SLC25A46: variants seen among roughly 807,000 people sequenced by gnomAD.
SLC25A46 encodes the protein mitochondrial outer membrane protein SLC25A46.
A neutral mutation model predicts 44.6 loss-of-function variants in SLC25A46; 39 were observed. That is an observed-to-expected ratio of 0.87 (90% CI 0.68 to 1.14). The LOEUF is 1.14. Ranked by LOEUF, SLC25A46 falls within the 50% of genes most tolerant of loss-of-function variation. SLC25A46 has a pLI of 0.00. For missense variants in SLC25A46, 547 were observed against 522.7 expected (o/e 1.05, Z -0.45); for synonymous variants, 202 against 185.8 (o/e 1.09, Z -0.71).
Position 110,761,177 on chromosome 5 carries a change from T to G in SLC25A46, c.679-27T>G. 6.5e-7 allele frequency: 1 copy of G among 1,541,026 alleles called. No individual in the cohort carries two copies. The highest frequency in any genetic ancestry group is 8.8e-7 in the Non-Finnish European group (1 of 1,136,744). ...TGGCAAAATAAGCAAATGTTAAGTT[T>G]TACTTATTTCATCATTTTTATTTCA... On this transcript the variant is annotated intron_variant, in intron 7 of 7. Transcript: ENST00000355943. The surrounding 1 kb of genome is among the most constrained non-coding windows in gnomAD (Gnocchi z 5.3).
At chr5:110,752,893 A>G (rs917077143) in intron 5 of SLC25A46, among the ~76,000 whole-genome samples, 2 of 152,060 alleles carry the variant, frequency 1.3e-5, no homozygotes, top group Non-Finnish European at 2.9e-5. Context: ...AGGATACACT[A>G]TGGTAGAAGA....
In SLC25A46 at chr5:110,763,969, G is replaced by A. The variant is rs145403059; in HGVS notation, c.*2187G>A. The A allele has an allele frequency of 2.6e-3, 396 of 151,908 alleles. 2 individuals carry two copies. The highest frequency in any genetic ancestry group is 9.1e-3 in the African/African-American group (379 of 41,510). 9.4% of individuals were successfully genotyped at this position (151,908 alleles called of 1,614,324 possible). On this transcript the variant is annotated 3_prime_UTR_variant, in exon 8 of 8. Transcript: ENST00000355943. ...ACTGAATTTTGAAAAGAATGAGTGA[G>A]ATAACTGTAAGATACGCTCGTTCCC...
At position 110,762,814 on chromosome 5, in the gene SLC25A46, CA is replaced by C. The variant is rs771648077; in HGVS notation, c.*1033del. On this transcript the variant is annotated 3_prime_UTR_variant, in exon 8 of 8. Coordinates refer to ENST00000355943, the MANE Select transcript of SLC25A46 (RefSeq NM_138773.4). ...TGCCTCTTGTCTAGTATATAGTCACCACTAAATAATGGCTTCCGTTTTTATT... is the reference window on the plus strand; with the variant it reads ...TGCCTCTTGTCTAGTATATAGTCACCCTAAATAATGGCTTCCGTTTTTATT... The C allele has an allele frequency of 1.3e-5, 2 of 151,796 alleles. No individual in the cohort carries two copies. The highest frequency in any genetic ancestry group is 2.9e-5 in the Non-Finnish European group (2 of 67,886). 9.4% of individuals were successfully genotyped at this position (151,796 alleles called of 1,614,324 possible).
chr5:110,753,989 T>C (rs1337199011), intron 5 of SLC25A46: 3 of 151,624 alleles, frequency 2.0e-5, no homozygotes, highest in Non-Finnish European at 4.4e-5. Flanking sequence ...CCTAATCTAT[T>C]TTTTATATTT....
chr5:110,747,065 T>G (rs1437833649), intron 4 of SLC25A46, among the ~76,000 whole-genome samples: 2 of 152,236 alleles, frequency 1.3e-5, no homozygotes, highest in Non-Finnish European at 2.9e-5. Flanking sequence ...ACCTTTGGAT[T>G]GTTTGGCAAT....
chr5:110,763,123 A>G lies in SLC25A46; in HGVS notation c.*1341A>G, dbSNP rs1021921100. The G allele has an allele frequency of 6.6e-5, 10 of 151,942 alleles. No individual in the cohort carries two copies. In the South Asian group the frequency reaches 1.9e-3, roughly 28 times the overall value. The allele number at this position is 151,942 out of a possible 1,614,324, so 9.4% of individuals were successfully genotyped here. On this transcript the variant is annotated 3_prime_UTR_variant, in exon 8 of 8. Transcript: ENST00000355943. ...GTTAAGCACTTTGTGTAGTAAAATG[A>G]TATGTGTCTGCTCTATCATTAGACA...
Position 110,763,566 on chromosome 5 carries a change from G to C in SLC25A46, c.*1784G>C, listed in dbSNP as rs1381991891. 6.6e-6 allele frequency: 1 copy of C among 151,794 alleles called. No homozygotes were observed. Among genetic ancestry groups the C allele is most frequent in the Non-Finnish European group, 1.5e-5 (1 of 67,828 alleles). The allele number at this position is 151,794 out of a possible 1,614,324, so 9.4% of individuals were successfully genotyped here. A position where few individuals can be genotyped will look rare whatever the true frequency, so the allele number is the denominator to read the frequency against. On this transcript the variant is annotated 3_prime_UTR_variant, in exon 8 of 8. Transcript: ENST00000355943. The stretch of plus-strand genomic sequence containing the variant: ...TTTCAATTAGGATAGTTTCAGATAA[G>C]AGTAAACCAGAAAATTTCAAGTTTG...
At chr5:110,746,858 G>A (rs1459423462) in intron 4 of SLC25A46, among the ~76,000 whole-genome samples, 1 of 152,148 alleles carries the variant, frequency 6.6e-6, no homozygotes, top group Non-Finnish European at 1.5e-5. Flanking sequence ...AGATCATAAT[G>A]TTTGGGAATG....
Position 110,755,502 on chromosome 5 carries a change from G to C in SLC25A46, c.601G>C (p.Glu201Gln), listed in dbSNP as rs1390370205. 1.9e-6 allele frequency: 3 copies of C among 1,572,256 alleles called. No individual in the cohort carries two copies. Among genetic ancestry groups the C allele is most frequent in the Non-Finnish European group, 2.6e-6 (3 of 1,161,048 alleles). Residue 201 changes from glutamate to glutamine, a missense_variant, in exon 6 of 8, where the codon GAA becomes CAA. By Grantham distance (29) the Glu-to-Gln change is conservative (BLOSUM62 2). Coordinates refer to ENST00000355943, the MANE Select transcript of SLC25A46 (RefSeq NM_138773.4). ...TAAATGGAGTCCTAAACAAATAGGA[G>C]AACACCTTCTACTGAAATCGTAAGT... The part of the protein sequence containing the change: ...LHKWSPKQIG[E>Q]HLLLKSLTYV...
intron 4 of SLC25A46, among the ~76,000 whole-genome samples, chr5:110,746,933 A>G (rs1799835574): frequency 6.6e-6 from 1 of 152,218 alleles, no homozygotes; most frequent in Non-Finnish European, 1.5e-5. Context: ...ATGAAAAAGT[A>G]GCCAGAGAAG....
chr5:110,748,122 G>A (rs2150411173), intron 4 of SLC25A46, 41 bp from the exon 5 acceptor site: 1 of 1,353,310 alleles, frequency 7.4e-7, no homozygotes, highest in South Asian at 1.2e-5. Context: ...TGTTTCAGAT[G>A]TAGGTATTAA....
intron 3 of SLC25A46, among the ~76,000 whole-genome samples, chr5:110,745,023 G>C (rs1418550571): frequency 6.6e-6 from 1 of 152,172 alleles, no homozygotes; most frequent in African/African-American, 2.4e-5. Flanking sequence ...AAAAATTACT[G>C]TAAGTACGAA....
At chr5:110,741,785 C>T in intron 1 of SLC25A46, 1 of 315,716 alleles carries the variant, frequency 3.2e-6, no homozygotes, top group East Asian at 5.7e-5. Context: ...GGCCCACACT[C>T]TAATGTGGCA....
chr5:110,741,030 T>A (rs1262947941), intron 1 of SLC25A46, among the ~76,000 whole-genome samples: 2 of 152,158 alleles, frequency 1.3e-5, no homozygotes, highest in East Asian at 3.9e-4. Context: ...AGCTTATACA[T>A]TTTTCTAGGG....
chr5:110,739,129 C>CGT lies in SLC25A46; in HGVS notation c.11_12insTG (p.Arg5GlyfsTer40), dbSNP rs1064795772. On this transcript the variant is annotated frameshift_variant, in exon 1 of 8. Transcript: ENST00000355943. LOFTEE classifies it high-confidence loss of function. ...TCCTGCCCCCGCTGCGATGCATCCGCGGCGCCCGGACGGATTTGATGGCTT... is the reference window on the plus strand; with the variant it reads ...TCCTGCCCCCGCTGCGATGCATCCGCGTGGCGCCCGGACGGATTTGATGGCTT... 2 of 1,547,588 alleles carry CGT rather than the reference C, an allele frequency of 1.3e-6. No individual in the cohort carries two copies. Among genetic ancestry groups the CGT allele is most frequent in the Non-Finnish European group, 1.7e-6 (2 of 1,146,648 alleles).
Position 110,761,594 on chromosome 5 carries a change from T to A in SLC25A46, c.1069T>A (p.Tyr357Asn), listed in dbSNP as rs1348026355. ...RTIIDNTDLG[Y>N]EVLPINTQYE... ...AATAATTGACAATACAGACCTTGGCTATGAAGTGCTTCCAATTAATACACA... is the reference window on the plus strand; with the variant it reads ...AATAATTGACAATACAGACCTTGGCAATGAAGTGCTTCCAATTAATACACA... Residue 357 changes from tyrosine (Y) to asparagine (N), a missense_variant, in exon 8 of 8, where the codon TAT becomes AAT. By Grantham distance (143) the Tyr-to-Asn change is moderately radical. Coordinates refer to ENST00000355943, the MANE Select transcript of SLC25A46 (RefSeq NM_138773.4). This position sits in a 1 kb window ranked among gnomAD's most constrained non-coding sequence, Gnocchi z 5.3. The A allele has an allele frequency of 1.2e-6, 2 of 1,613,648 alleles. No homozygotes were observed. Among genetic ancestry groups the A allele is most frequent in the Non-Finnish European group, 1.7e-6 (2 of 1,179,786 alleles).
At chr5:110,746,568 A>T (rs1229374492) in intron 4 of SLC25A46, among the ~76,000 whole-genome samples, 1 of 152,222 alleles carries the variant, frequency 6.6e-6, no homozygotes, top group Non-Finnish European at 1.5e-5. Flanking sequence ...TGCTAAGATG[A>T]TGTCTCTGCT....
upstream of SLC25A46, chr5:110,738,210 G>C (rs1429074380): frequency 3.1e-6 from 4 of 1,286,794 alleles, no homozygotes; most frequent in Non-Finnish European, 3.0e-6. Flanking sequence ...TCTGGGGAGG[G>C]AGCCTGGCCC....
At chr5:110,751,101 G>A (rs1316775134) in intron 5 of SLC25A46, among the ~76,000 whole-genome samples, 1 of 151,998 alleles carries the variant, frequency 6.6e-6, no homozygotes, top group African/African-American at 2.4e-5. Flanking sequence ...TGGTGATAAG[G>A]CCCACTCATT....
Sources: allele counts gnomAD v4.1 joint callset (sites outside exome capture counted in the v4.1 genomes callset), GRCh38; gene constraint gnomAD v4.1.1; non-coding constraint Gnocchi (gnomAD v3.1); transcripts MANE v1.5; gene names NCBI Gene and HGNC (gene_info 2026-07-23, HGNC 2026-07-21).